Variants in MACROD2 observed in about 807,000 individuals in gnomAD.
MACROD2 encodes mono-ADP ribosylhydrolase 2, also known as ADP-ribose glycohydrolase MACROD2.
A neutral mutation model predicts 70.4 loss-of-function variants in MACROD2; 36 were observed. The observed-to-expected ratio is 0.51, with a 90% confidence interval of 0.39 to 0.68. The LOEUF (loss-of-function observed/expected upper bound fraction) is 0.68, where lower values mean the gene tolerates loss of function less well. Ranked by LOEUF, MACROD2 falls within the 30% of genes least tolerant of loss-of-function variation. The pLI is 0.00. For synonymous variants in MACROD2, 172 were observed against 178.8 expected, an observed-to-expected ratio of 0.96 and a Z score of 0.30; for missense variants, 496 against 538.4, an observed-to-expected ratio of 0.92 and a Z score of 0.78.
chr20:14,618,289 A>G (rs1260692289), intron 4 of MACROD2, among the ~76,000 whole-genome samples: 1 of 152,034 alleles, frequency 6.6e-6, no homozygotes, highest in Non-Finnish European at 1.5e-5. Context: ...GCTATACCTT[A>G]TCTTGTTTGT....
chr20:14,494,975 A>T lies in MACROD2; in HGVS notation c.301+1467A>T, dbSNP rs550487738. Among the ~76,000 whole-genome samples the T allele has an allele frequency of 2.6e-5, 4 of 152,286 alleles. No homozygotes were observed. The South Asian group carries it at 6.2e-4, about 24-fold the overall frequency. On this transcript the variant is annotated intron_variant, in intron 4 of 17. Coordinates refer to ENST00000684519, the MANE Select transcript of MACROD2 (RefSeq NM_001351661.2). ...AAACCTCACGAATATTGTTAATAGC[A>T]TAGAGGAAAGTTAAAATTGAGTCTA...
At chr20:14,448,224 T>C (rs1036954642) in intron 3 of MACROD2, among the ~76,000 whole-genome samples, 2 of 152,050 alleles carry the variant, frequency 1.3e-5, no homozygotes, top group African/African-American at 4.8e-5. Flanking sequence ...AAAGATTCAA[T>C]TGCTGTTTAA....
At chr20:14,856,584 C>G (rs2073257779) in intron 5 of MACROD2, among the ~76,000 whole-genome samples, 1 of 152,128 alleles carries the variant, frequency 6.6e-6, no homozygotes, top group Non-Finnish European at 1.5e-5. Context: ...GATTGACAAG[C>G]TATTTTCCCA....
At chr20:15,340,971 A>C (rs868651733) in intron 6 of MACROD2, among the ~76,000 whole-genome samples, 30 of 152,296 alleles carry the variant, frequency 2.0e-4, no homozygotes, top group Middle Eastern at 3.4e-3. Flanking sequence ...ATTATTTTGA[A>C]TAGAGAGTTG....
chr20:15,310,229 T>A (rs935750113), intron 6 of MACROD2, among the ~76,000 whole-genome samples: 2 of 152,196 alleles, frequency 1.3e-5, no homozygotes, highest in African/African-American at 4.8e-5. Context: ...TATTTTTCTT[T>A]TACTATGCTT....
intron 2 of MACROD2, among the ~76,000 whole-genome samples, chr20:14,076,489 A>C (rs2053918070): frequency 6.7e-6 from 1 of 150,288 alleles, no homozygotes; most frequent in Non-Finnish European, 1.5e-5. Context: ...ATCTCTACCA[A>C]AAAAAAAACC....
At chr20:13,999,705 T>TA (rs2052707523) in intron 1 of MACROD2, among the ~76,000 whole-genome samples, 1 of 152,206 alleles carries the variant, frequency 6.6e-6, no homozygotes, top group Non-Finnish European at 1.5e-5. Context: ...AACTGAAACA[T>TA]AAAGAGGTTA....
chr20:15,319,959 A>C (rs2077855619), intron 6 of MACROD2, among the ~76,000 whole-genome samples: 1 of 152,242 alleles, frequency 6.6e-6, no homozygotes, highest in Non-Finnish European at 1.5e-5. Flanking sequence ...CTGTAATCCC[A>C]GCACTTTGGG....
chr20:15,610,334 G>A (rs1036715640), intron 8 of MACROD2, among the ~76,000 whole-genome samples: 3 of 152,188 alleles, frequency 2.0e-5, no homozygotes, highest in African/African-American at 7.2e-5. Flanking sequence ...TGAAATCAAG[G>A]TGTTGGCAGG....
At chr20:15,604,652 A>C (rs2048868515) in intron 8 of MACROD2, among the ~76,000 whole-genome samples, 1 of 152,190 alleles carries the variant, frequency 6.6e-6, no homozygotes, top group South Asian at 2.1e-4. Context: ...AGAATGCCAC[A>C]GTGTTCTGAG....
chr20:15,434,215 C>A (rs2046399041), intron 7 of MACROD2, among the ~76,000 whole-genome samples: 1 of 151,706 alleles, frequency 6.6e-6, no homozygotes, highest in South Asian at 2.1e-4. Context: ...TTCTGCACAG[C>A]AAAATAAATA....
intron 3 of MACROD2, among the ~76,000 whole-genome samples, chr20:14,174,782 C>A (rs937964935): frequency 2.0e-5 from 3 of 152,204 alleles, no homozygotes; most frequent in African/African-American, 2.4e-5. Context: ...CCTTTGGCAG[C>A]CCTTCCCATG....
chr20:14,746,789 A>G (rs2071805424), intron 5 of MACROD2, among the ~76,000 whole-genome samples: 1 of 152,176 alleles, frequency 6.6e-6, no homozygotes, highest in Non-Finnish European at 1.5e-5. Context: ...CTAATTTACT[A>G]GCTAATGGTA....
At chr20:15,485,107 C>G (rs2047147083) in intron 7 of MACROD2, among the ~76,000 whole-genome samples, 1 of 151,704 alleles carries the variant, frequency 6.6e-6, no homozygotes, top group South Asian at 2.1e-4. Context: ...GTTATTCTCA[C>G]TATCTAGGAT....
intron 8 of MACROD2, among the ~76,000 whole-genome samples, chr20:15,636,309 A>G (rs1039650586): frequency 2.0e-5 from 3 of 152,170 alleles, no homozygotes; most frequent in Non-Finnish European, 2.9e-5. Flanking sequence ...ACCAGATAGA[A>G]TATGTGCACC....
rs184539708 is a variant in MACROD2 at position 15,658,253 on chromosome 20, A to C, written c.645+158406A>C. On this transcript the variant is annotated intron_variant, in intron 8 of 17. Transcript: ENST00000684519. ...TTTTTTTTTTTTTAACTTGAATATCAAGCTCGCTATGCAATTTGACTTATG... is the reference window on the plus strand; with the variant it reads ...TTTTTTTTTTTTTAACTTGAATATCCAGCTCGCTATGCAATTTGACTTATG... Among the ~76,000 whole-genome samples, 182 of 149,208 alleles carry C rather than the reference A, an allele frequency of 1.2e-3. 1 individual carries two copies. The highest frequency in any genetic ancestry group is 4.1e-3 in the African/African-American group (168 of 40,566).
intron 5 of MACROD2, among the ~76,000 whole-genome samples, chr20:15,220,629 A>G (rs954143932): frequency 5.3e-5 from 8 of 152,264 alleles, no homozygotes; most frequent in South Asian, 4.1e-4. Flanking sequence ...AAGTGATATT[A>G]TAGAGCAACA....
rs1433546005 is a variant in MACROD2, at chr20:15,317,519, A to ATCTG, written c.540+87461_540+87462insGTCT. On this transcript the variant is annotated intron_variant, in intron 6 of 17. Coordinates refer to ENST00000684519, the MANE Select transcript of MACROD2 (RefSeq NM_001351661.2). ...TATCTATCTATCTATCTATCTATCT[A>ATCTG]TCTATCTGTCTATCTATCTCTATCA... Among the ~76,000 whole-genome samples the ATCTG allele has an allele frequency of 1.8e-3, 238 of 134,700 alleles. 1 individual carries two copies. Among genetic ancestry groups the ATCTG allele is most frequent in the African/African-American group, 7.8e-3 (220 of 28,210 alleles). The allele number at this position is 134,700 out of a possible 152,430, so 88.4% of individuals were successfully genotyped here.
intron 3 of MACROD2, among the ~76,000 whole-genome samples, chr20:14,372,600 TTTGC>T (rs1203962635): frequency 6.6e-6 from 1 of 152,158 alleles, no homozygotes; most frequent in Non-Finnish European, 1.5e-5. Flanking sequence ...AAATTGTTTC[TTTGC>T]TTTTCTGATT....
Sources: gnomAD v4.1 joint callset for allele counts (sites outside exome capture counted in the v4.1 genomes callset) on GRCh38, gnomAD v4.1.1 for gene constraint, MANE v1.5 for transcripts, NCBI Gene and HGNC (gene_info 2026-07-23, HGNC 2026-07-21) for gene names.